Variants in GFM2 observed in about 807,000 individuals in gnomAD.
GFM2 encodes ribosome-releasing factor 2, mitochondrial.
In GFM2, 72 loss-of-function variants were observed where a neutral mutation model predicts 95.4. The ratio of observed to expected loss-of-function variants is 0.76; its 90% CI spans 0.62 to 0.92. The LOEUF (loss-of-function observed/expected upper bound fraction) is 0.92, where lower values mean the gene tolerates loss of function less well. GFM2 is among the 40% of genes least tolerant of loss of function. The probability of loss-of-function intolerance (pLI) is 0.00; values close to 1 mark genes in which losing one functional copy is unlikely to be tolerated. For missense variants in GFM2, 825 were observed against 924.1 expected (o/e 0.89, Z 1.39); for synonymous variants, 276 against 317.5 (o/e 0.87, Z 1.39).
chr5:74,726,340 G>A (rs1750147656), intron 17 of GFM2, among the ~76,000 whole-genome samples: 2 of 152,126 alleles, frequency 1.3e-5, no homozygotes, highest in Non-Finnish European at 1.5e-5. Context: ...TTAAAAACCT[G>A]CTCTGTATCA....
rs1395393596 is a variant in GFM2 at position 74,722,723 on chromosome 5, CATG to C, written c.2029-165_2029-163del. 14 of 563,762 alleles carry C rather than the reference CATG, an allele frequency of 2.5e-5. No individual in the cohort carries two copies. The Admixed American group carries it at 3.1e-4, about 12-fold the overall frequency. The allele number at this position is 563,762 out of a possible 1,614,324, so 34.9% of individuals were successfully genotyped here. A position where few individuals can be genotyped will look rare whatever the true frequency, so the allele number is the denominator to read the frequency against. ...CTATAATATTTGCTTGTATAATAAG[CATG>C]ATAACAGAATTTATAGATCTTTTGT... On this transcript the variant is annotated intron_variant, in intron 19 of 20. Coordinates refer to ENST00000296805, the MANE Select transcript of GFM2 (RefSeq NM_032380.5).
chr5:74,725,770 A>C lies in GFM2; in HGVS notation c.1913-15T>G. ...AAGCAATGGTCCTAGACAAGGGAAA[A>C]AAATTGTATCATACTCTGCTAGATG... On this transcript the variant is annotated splice_polypyrimidine_tract_variant and intron_variant, in intron 18 of 20. Coordinates refer to ENST00000296805, the MANE Select transcript of GFM2 (RefSeq NM_032380.5). The C allele has an allele frequency of 6.3e-7, 1 of 1,579,930 alleles. No homozygotes were observed. Among genetic ancestry groups the C allele is most frequent in the Non-Finnish European group, 8.7e-7 (1 of 1,149,302 alleles).
intron 17 of GFM2, among the ~76,000 whole-genome samples, chr5:74,729,513 T>C (rs1378251057): frequency 6.6e-6 from 1 of 152,172 alleles, no homozygotes; most frequent in Non-Finnish European, 1.5e-5. Context: ...TTATTTTGAG[T>C]TCTCTAGCAT....
chr5:74,735,761 A>T (rs1341100026), intron 15 of GFM2, among the ~76,000 whole-genome samples: 2 of 152,146 alleles, frequency 1.3e-5, no homozygotes, highest in Non-Finnish European at 2.9e-5. Context: ...TAGGTACTAT[A>T]GTTTTATTCT....
In GFM2 at chr5:74,721,282, G is replaced by A. The variant is rs564717043; in HGVS notation, c.*373C>T. On this transcript the variant is annotated 3_prime_UTR_variant, in exon 21 of 21. Coordinates refer to ENST00000296805, the MANE Select transcript of GFM2 (RefSeq NM_032380.5). ...GTTTTTTGAATAAAATATTTTTATTGATTGAACCTTTGACCCTCTATCTTA... is the reference window on the plus strand; with the variant it reads ...GTTTTTTGAATAAAATATTTTTATTAATTGAACCTTTGACCCTCTATCTTA... 47 of 948,146 alleles carry A rather than the reference G, an allele frequency of 5.0e-5. No individual in the cohort carries two copies. In the East Asian group the frequency reaches 8.1e-4, roughly 16 times the overall value. 58.7% of individuals were successfully genotyped at this position (948,146 alleles called of 1,614,324 possible).
chr5:74,753,898 G>A (rs1459409735), intron 5 of GFM2, among the ~76,000 whole-genome samples: 2 of 152,126 alleles, frequency 1.3e-5, no homozygotes, highest in East Asian at 1.9e-4. Flanking sequence ...AAAGATCATC[G>A]TTTAGGCACA....
At chr5:74,724,483 A>C (rs1489433176) in intron 19 of GFM2, among the ~76,000 whole-genome samples, 1 of 152,018 alleles carries the variant, frequency 6.6e-6, no homozygotes, top group East Asian at 1.9e-4. Flanking sequence ...TAAAAAAAAA[A>C]AAAAAACAAT....
At chr5:74,751,340 T>G (rs987952797) in intron 6 of GFM2, 28 bp downstream of exon 6, 2 of 1,592,448 alleles carry the variant, frequency 1.3e-6, no homozygotes, top group Non-Finnish European at 1.7e-6. Context: ...TGACGCAGCA[T>G]CTCTGTGTTA....
chr5:74,724,489 AC>A lies in GFM2; in HGVS notation c.2028+1150del, dbSNP rs545697111. Among the ~76,000 whole-genome samples the A allele has an allele frequency of 5.2e-3, 779 of 150,156 alleles. 5 individuals are homozygous for A. The highest frequency in any genetic ancestry group is 8.1e-3 in the Non-Finnish European group (545 of 67,568). On this transcript the variant is annotated intron_variant, in intron 19 of 20. Coordinates refer to ENST00000296805, the MANE Select transcript of GFM2 (RefSeq NM_032380.5). Reference sequence around the variant, plus strand: ...CTTGTCTCTTAAAAAAAAAAAAAAAACAATTTAAAAATTACTTGAGGGTGAA... The same window carrying A: ...CTTGTCTCTTAAAAAAAAAAAAAAAAAATTTAAAAATTACTTGAGGGTGAA...
intron 17 of GFM2, among the ~76,000 whole-genome samples, chr5:74,726,696 T>C (rs992403734): frequency 6.6e-6 from 1 of 152,186 alleles, no homozygotes; most frequent in African/African-American, 2.4e-5. Flanking sequence ...AATATTTTAC[T>C]ATGTCTGTTA....
chr5:74,749,472 T>C (rs1328363510), intron 7 of GFM2, among the ~76,000 whole-genome samples: 2 of 152,238 alleles, frequency 1.3e-5, no homozygotes, highest in African/African-American at 4.8e-5. Flanking sequence ...AATGAGATTA[T>C]ACATCTTTTC....
chr5:74,748,102 C>T (rs1743482165), intron 7 of GFM2, among the ~76,000 whole-genome samples: 1 of 152,122 alleles, frequency 6.6e-6, no homozygotes, highest in African/African-American at 2.4e-5. Flanking sequence ...AATCAGGAGA[C>T]CTACTTCTTG....
rs557755865 is a variant in GFM2 at position 74,759,818 on chromosome 5, C to T, written c.149-392G>A. On this transcript the variant is annotated intron_variant, in intron 3 of 20. Transcript: ENST00000296805. ...GCACAGTCCTATAAACCTGCCTTTT[C>T]CAGGGTTTGAAGAGCTAAGAGTGAT... Among the ~76,000 whole-genome samples the T allele has an allele frequency of 3.2e-3, 491 of 152,174 alleles. 2 individuals are homozygous for T. Among genetic ancestry groups the T allele is most frequent in the Middle Eastern group, 3.4e-3 (1 of 294 alleles).
At position 74,751,441 on chromosome 5, in the gene GFM2, T is replaced by C. The variant is rs1743704556; in HGVS notation, c.357A>G (p.Arg119=). The C allele has an allele frequency of 6.2e-7, 1 of 1,609,148 alleles. No homozygotes were observed. The highest frequency in any genetic ancestry group is 8.5e-7 in the Non-Finnish European group (1 of 1,175,612). ...VTDFMAQERE[R]GITIQSAAVT... ...CAGCAGCTGATTGAATAGTAATGCC[T>C]CTTTCTCGCTCTTGGGCCATGAAAT... is the stretch of plus-strand genomic sequence containing the variant. Residue 119 remains arginine, a synonymous_variant, in exon 6 of 21, where the codon AGA becomes AGG. Transcript: ENST00000296805.
intron 3 of GFM2, among the ~76,000 whole-genome samples, chr5:74,760,629 C>A (rs960694695): frequency 4.6e-5 from 7 of 152,180 alleles, no homozygotes; most frequent in African/African-American, 1.2e-4. Flanking sequence ...TCTACAATTA[C>A]ACTCACATGT....
chr5:74,725,054 A>G (rs1191582740), intron 19 of GFM2: 1 of 152,218 alleles, frequency 6.6e-6, no homozygotes, highest in Non-Finnish European at 1.5e-5. Flanking sequence ...ACTGGTTTCA[A>G]TGGTCCTTGA....
intron 17 of GFM2, among the ~76,000 whole-genome samples, chr5:74,727,978 C>T (rs1750224212): frequency 6.6e-6 from 1 of 152,152 alleles, no homozygotes; most frequent in Non-Finnish European, 1.5e-5. Flanking sequence ...AAACTCCGTA[C>T]CCCACTTCAT....
intron 6 of GFM2, 63 bp downstream of exon 6, chr5:74,751,305 C>A (rs1338106275): frequency 4.6e-5 from 70 of 1,523,328 alleles, no homozygotes; most frequent in South Asian, 1.6e-4. Flanking sequence ...AAACAAAAAC[C>A]CCAGAAAAAC....
chr5:74,750,732 T>A, intron 6 of GFM2, 65 bp from the exon 7 acceptor site: 1 of 1,111,484 alleles, frequency 9.0e-7, no homozygotes, highest in Non-Finnish European at 1.4e-6. Context: ...TCCAGCAATC[T>A]CACATCTCAC....
Sources: allele counts gnomAD v4.1 joint callset (sites outside exome capture counted in the v4.1 genomes callset), GRCh38; gene constraint gnomAD v4.1.1; transcripts MANE v1.5; gene names NCBI Gene and HGNC (gene_info 2026-07-23, HGNC 2026-07-21).